The following WDR37 variants were observed in gnomAD, a reference collection of about 807,000 sequenced individuals.
WDR37 encodes WD repeat-containing protein 37.
WDR37 carries 19 observed loss-of-function variants against 62.9 expected under a neutral mutation model. The observed-to-expected ratio is 0.30, with a 90% confidence interval of 0.21 to 0.44. The LOEUF (loss-of-function observed/expected upper bound fraction) is 0.44. Ranked by LOEUF, WDR37 falls within the 20% of genes least tolerant of loss-of-function variation. WDR37 has a pLI of 1.00. For missense variants in WDR37, 474 were observed against 657.6 expected (o/e 0.72, Z 3.05); for synonymous variants, 250 against 260.9 (o/e 0.96, Z 0.40).
chr10:1,082,764 G>A (rs1188078432), intron 5 of WDR37, among the ~76,000 whole-genome samples: 2 of 125,702 alleles, frequency 1.6e-5, no homozygotes, highest in African/African-American at 4.4e-5. Context: ...CCCCTGCACA[G>A]CTCCAGCAGC....
chr10:1,108,739 G>GGGCCC, intron 11 of WDR37, among the ~76,000 whole-genome samples: 1 of 111,912 alleles, frequency 8.9e-6, no homozygotes, highest in East Asian at 2.5e-4. Flanking sequence ...CTTCTGTGAT[G>GGGCCC]CCCCCCCCCC....
intron 11 of WDR37, among the ~76,000 whole-genome samples, chr10:1,122,958 C>T (rs1290864378): frequency 6.6e-6 from 1 of 152,214 alleles, no homozygotes; most frequent in Non-Finnish European, 1.5e-5. Flanking sequence ...CCATGTCAAA[C>T]ACTTTTTTTT....
intron 1 of WDR37, among the ~76,000 whole-genome samples, chr10:1,067,583 A>C (rs1833593262): frequency 6.6e-6 from 1 of 152,226 alleles, no homozygotes; most frequent in Non-Finnish European, 1.5e-5. Context: ...AAAAAACCCG[A>C]ATAATACTGT....
chr10:1,093,243 A>G (rs10159718), intron 7 of WDR37, among the ~76,000 whole-genome samples: 59,861 of 152,066 alleles, frequency 0.39, 12,147 homozygotes, highest in African/African-American at 0.47. Flanking sequence ...GTCCTAAACT[A>G]TAGCGATTTG....
Position 1,092,872 on chromosome 10 carries a change from C to CAAAAAAAA in WDR37, c.605-561_605-554dup, listed in dbSNP as rs56220560. Reference sequence around the variant, plus strand: ...GCAACCAGAGCAAGACCCTATCTCACAAAAAAAAAAAAAAAAAAAAAAAAA... The same window carrying CAAAAAAAA: ...GCAACCAGAGCAAGACCCTATCTCACAAAAAAAAAAAAAAAAAAAAAAAAAAAAAAAAA... On this transcript the variant is annotated intron_variant, in intron 7 of 13. Transcript: ENST00000263150. Among the ~76,000 whole-genome samples, 146 of 41,956 alleles carry CAAAAAAAA rather than the reference C, an allele frequency of 3.5e-3. 1 individual carries two copies. Among genetic ancestry groups the CAAAAAAAA allele is most frequent in the Non-Finnish European group, 4.4e-3 (98 of 22,092 alleles). 27.5% of individuals were successfully genotyped at this position (41,956 alleles called of 152,430 possible). A position where few individuals can be genotyped will look rare whatever the true frequency, so the allele number is the denominator to read the frequency against.
At chr10:1,120,800 G>T (rs188150934) in intron 11 of WDR37, among the ~76,000 whole-genome samples, 1 of 150,712 alleles carries the variant, frequency 6.6e-6, no homozygotes, top group South Asian at 2.1e-4. Context: ...ACATCGTGTC[G>T]TCTTTTCCTT....
At chr10:1,116,734 G>T (rs1835412973) in intron 11 of WDR37, among the ~76,000 whole-genome samples, 1 of 152,228 alleles carries the variant, frequency 6.6e-6, no homozygotes, top group African/African-American at 2.4e-5. Flanking sequence ...GGCAGCAGTT[G>T]GCGGGAACAG....
chr10:1,127,740 T>A (rs1179141533), intron 13 of WDR37, among the ~76,000 whole-genome samples: 1 of 152,120 alleles, frequency 6.6e-6, no homozygotes, highest in Non-Finnish European at 1.5e-5. Context: ...AGTGTGAGGG[T>A]CCCTGTGATG....
chr10:1,110,309 G>C (rs1313528531), intron 11 of WDR37, among the ~76,000 whole-genome samples: 1 of 152,182 alleles, frequency 6.6e-6, no homozygotes, highest in Admixed American at 6.5e-5. Context: ...CTTCCTTCCT[G>C]ACATCAGATC....
At chr10:1,118,725 TAA>T (rs202161258) in intron 11 of WDR37, among the ~76,000 whole-genome samples, 169 of 151,464 alleles carry the variant, frequency 1.1e-3, no homozygotes, top group Admixed American at 1.9e-3. Context: ...CAACACTTTG[TAA>T]AAAAAAAGAC....
rs1021981932 is a variant in WDR37, at chr10:1,129,418, A to G, written c.*74A>G. The G allele has an allele frequency of 6.3e-7, 1 of 1,583,598 alleles. No homozygotes were observed. The highest frequency in any genetic ancestry group is 8.6e-7 in the Non-Finnish European group (1 of 1,160,340). ...TGGGTGCAGGCTTTTCTGCGTATTA[A>G]TCAGCCATTTTTGTGAGAGTTTGAC... On this transcript the variant is annotated 3_prime_UTR_variant, in exon 14 of 14. Coordinates refer to ENST00000263150, the MANE Select transcript of WDR37 (RefSeq NM_014023.4).
intron 1 of WDR37, among the ~76,000 whole-genome samples, chr10:1,067,721 G>A (rs889756603): frequency 6.6e-6 from 1 of 152,142 alleles, no homozygotes; most frequent in Admixed American, 6.5e-5. Context: ...CACACCTAAC[G>A]GAACAGCTAA....
chr10:1,112,384 C>T (rs1433056192), intron 11 of WDR37, among the ~76,000 whole-genome samples: 3 of 152,190 alleles, frequency 2.0e-5, no homozygotes, highest in Admixed American at 1.3e-4. Context: ...GCCGTTCCTT[C>T]GTCTCTCACC....
At chr10:1,093,523 C>G in intron 8 of WDR37, 27 bp downstream of exon 8, 1 of 1,570,720 alleles carries the variant, frequency 6.4e-7, no homozygotes, top group Non-Finnish European at 8.7e-7. Flanking sequence ...CTTTATTGAA[C>G]AAAATGATAG....
intron 7 of WDR37, among the ~76,000 whole-genome samples, chr10:1,093,022 T>C (rs1204945497): frequency 6.6e-6 from 1 of 152,098 alleles, no homozygotes; most frequent in Non-Finnish European, 1.5e-5. Context: ...CTGGCGTCTC[T>C]ACTAGTCACA....
intron 5 of WDR37, 137 bp from the exon 6 acceptor site, chr10:1,084,266 C>A: frequency 8.6e-7 from 1 of 1,163,206 alleles, no homozygotes; most frequent in Non-Finnish European, 1.2e-6. Context: ...CACACTTGCG[C>A]TGTGTTCCTT....
intron 7 of WDR37, among the ~76,000 whole-genome samples, chr10:1,090,250 C>T (rs1564503462): frequency 1.3e-5 from 2 of 152,206 alleles, no homozygotes; most frequent in East Asian, 3.9e-4. Flanking sequence ...CTTCCGCATC[C>T]CTGGTTCAAA....
chr10:1,103,746 G>A lies in WDR37; in HGVS notation c.871G>A (p.Val291Ile). The change falls in exon 10 of 14, where the codon GTT (valine) becomes ATT (isoleucine). Residue 291 changes from valine to isoleucine, a missense_variant. By Grantham distance (29) the Val-to-Ile change is conservative. Transcript: ENST00000263150. The surrounding 1 kb of genome is among the most constrained non-coding windows in gnomAD (Gnocchi z 6.3). The stretch of plus-strand genomic sequence containing the variant: ...CGTGGTCATCGCCTCCGACTGGCTG[G>A]TTGGGGGGAAGCAGGCTGTGACTGC... ...QGVVIASDWL[V>I]GGKQAVTASW... 8 of 1,614,258 alleles carry A rather than the reference G, an allele frequency of 5.0e-6. No individual in the cohort carries two copies. The highest frequency in any genetic ancestry group is 6.8e-6 in the Non-Finnish European group (8 of 1,180,046).
chr10:1,104,879 C>A (rs1834953730), intron 10 of WDR37, among the ~76,000 whole-genome samples: 1 of 152,172 alleles, frequency 6.6e-6, no homozygotes. Flanking sequence ...GACCTTCTAA[C>A]TGGTAGGGTC....
Sources: gnomAD v4.1 joint callset for allele counts (sites outside exome capture counted in the v4.1 genomes callset) on GRCh38, gnomAD v4.1.1 for gene constraint, Gnocchi (gnomAD v3.1) non-coding constraint, MANE v1.5 for transcripts, NCBI Gene and HGNC (gene_info 2026-07-23, HGNC 2026-07-21) for gene names.